The following PTPRG variants were observed in gnomAD, a reference collection of about 807,000 sequenced individuals.
The protein encoded by PTPRG is receptor-type tyrosine-protein phosphatase gamma.
A neutral mutation model predicts 165.3 loss-of-function variants in PTPRG; 102 were observed. The observed-to-expected ratio is 0.62, with a 90% CI of 0.53 to 0.73. PTPRG has a LOEUF of 0.73. Ranked by LOEUF, PTPRG falls within the 30% of genes least tolerant of loss-of-function variation. The pLI is 0.00. For missense variants in PTPRG, 1,866 were observed against 1,861.4 expected (o/e 1.00, Z -0.05); for synonymous variants, 675 against 669.5 (o/e 1.01, Z -0.13).
intron 1 of PTPRG, among the ~76,000 whole-genome samples, chr3:61,607,024 C>T (rs2106862098): frequency 6.6e-6 from 1 of 152,344 alleles, no homozygotes; most frequent in South Asian, 2.1e-4. Flanking sequence ...AAAGCCCCCA[C>T]TTCAGCCTCA....
intron 4 of PTPRG, among the ~76,000 whole-genome samples, chr3:62,021,032 C>A (rs1444439348): frequency 1.3e-5 from 2 of 152,082 alleles, no homozygotes; most frequent in Non-Finnish European, 2.9e-5. Context: ...CCCTGGGGTT[C>A]ATATTTCATT....
chr3:62,268,749 C>G lies in PTPRG; in HGVS notation c.2875-286C>G, dbSNP rs577567228. Among the ~76,000 whole-genome samples, 49 of 152,194 alleles carry G rather than the reference C, an allele frequency of 3.2e-4. 1 individual carries two copies. In the South Asian group the frequency reaches 0.01, roughly 32 times the overall value. ...CAGACATAGAGGTTTCTTTCTTAGT[C>G]CCTTTTAAAAATGCATTATAATGCA... is the stretch of plus-strand genomic sequence containing the variant. On this transcript the variant is annotated intron_variant, in intron 19 of 29. Transcript: ENST00000474889.
chr3:62,285,431 G>C (rs950412726), intron 28 of PTPRG, among the ~76,000 whole-genome samples: 3 of 143,386 alleles, frequency 2.1e-5, no homozygotes, highest in Admixed American at 7.5e-5. Flanking sequence ...GTGAGGCAGA[G>C]AGTTGAACTT....
At chr3:62,246,005 CTATT>C (rs1343621508) in intron 15 of PTPRG, among the ~76,000 whole-genome samples, 2 of 152,100 alleles carry the variant, frequency 1.3e-5, no homozygotes, top group Non-Finnish European at 2.9e-5. Flanking sequence ...TCCCAGTTAC[CTATT>C]TAATTAAGAA....
intron 8 of PTPRG, among the ~76,000 whole-genome samples, chr3:62,174,531 CAT>C (rs1234202534): frequency 6.6e-6 from 1 of 152,112 alleles, no homozygotes; most frequent in African/African-American, 2.4e-5. Context: ...TTTTAAAGGA[CAT>C]GTACCACCGT....
chr3:61,875,656 C>T (rs981553298), intron 2 of PTPRG, among the ~76,000 whole-genome samples: 2 of 152,046 alleles, frequency 1.3e-5, no homozygotes, highest in South Asian at 2.1e-4. Context: ...CACACACACA[C>T]GGCACACACA....
intron 2 of PTPRG, among the ~76,000 whole-genome samples, chr3:61,943,419 C>T (rs932900840): frequency 6.6e-6 from 1 of 152,092 alleles, no homozygotes; most frequent in African/African-American, 2.4e-5. Context: ...GGCGCAACTC[C>T]GTCTCTACTA....
At chr3:61,691,190 A>T (rs924301559) in intron 1 of PTPRG, among the ~76,000 whole-genome samples, 1 of 152,076 alleles carries the variant, frequency 6.6e-6, no homozygotes, top group Admixed American at 6.6e-5. Context: ...AAGTGGGAGG[A>T]TTGCTTGAAC....
chr3:62,267,752 G>A lies in PTPRG; in HGVS notation c.2807G>A (p.Trp936Ter), dbSNP rs139531452. ...TTGAAGTCTACATTTGAAGATTTCT[G>A]GAGGATGATTTGGGAACAAAACACT... ...GPLKSTFEDFWRMIWEQNTGI... is the reference protein window; with the variant it reads ...GPLKSTFEDF Residue 936 changes from tryptophan (W) to a stop codon, truncating the protein, a stop_gained, in exon 19 of 30, where the codon TGG (tryptophan) becomes TAG (stop). Transcript: ENST00000474889. LOFTEE classifies it high-confidence loss of function. The A allele has an allele frequency of 6.2e-7, 1 of 1,613,356 alleles. No individual in the cohort carries two copies. The highest frequency in any genetic ancestry group is 1.3e-5 in the African/African-American group (1 of 74,868).
chr3:61,831,144 G>A (rs1428795738), intron 2 of PTPRG, among the ~76,000 whole-genome samples: 1 of 152,190 alleles, frequency 6.6e-6, no homozygotes, highest in Non-Finnish European at 1.5e-5. Flanking sequence ...CTGATAAAAA[G>A]ATACTGATAC....
chr3:61,925,895 C>A, intron 2 of PTPRG: 1 of 499,306 alleles, frequency 2.0e-6, no homozygotes, highest in East Asian at 5.6e-5. Flanking sequence ...AACAAAATCC[C>A]TGTTGATGAG....
chr3:62,034,881 A>G (rs554768385), intron 4 of PTPRG, among the ~76,000 whole-genome samples: 1 of 152,302 alleles, frequency 6.6e-6, no homozygotes, highest in Admixed American at 6.5e-5. Context: ...AATGGGAGCA[A>G]TCTCACTCTA....
chr3:61,950,313 A>G (rs1189337336), intron 2 of PTPRG, among the ~76,000 whole-genome samples: 1 of 152,024 alleles, frequency 6.6e-6, no homozygotes, highest in Non-Finnish European at 1.5e-5. Flanking sequence ...TACCTGTGTT[A>G]TGACACCTAT....
intron 1 of PTPRG, among the ~76,000 whole-genome samples, chr3:61,583,622 G>A (rs1205366989): frequency 6.6e-6 from 1 of 152,114 alleles, no homozygotes; most frequent in Non-Finnish European, 1.5e-5. Context: ...TGTTCTTGAT[G>A]GGATCATCTG....
intron 1 of PTPRG, among the ~76,000 whole-genome samples, chr3:61,572,043 C>T (rs1045905779): frequency 1.3e-5 from 2 of 152,110 alleles, no homozygotes. Context: ...GGTCTTTTTG[C>T]AGTATGCAAG....
At chr3:61,644,412 T>C (rs533128538) in intron 1 of PTPRG, among the ~76,000 whole-genome samples, 1 of 152,302 alleles carries the variant, frequency 6.6e-6, no homozygotes, top group South Asian at 2.1e-4. Flanking sequence ...GAACTAACAT[T>C]AATCCCAGGG....
At chr3:62,074,511 G>C (rs1171903630) in intron 4 of PTPRG, among the ~76,000 whole-genome samples, 1 of 151,462 alleles carries the variant, frequency 6.6e-6, no homozygotes, top group African/African-American at 2.4e-5. Context: ...ACCACTCCTG[G>C]CTAATTTTTT....
chr3:61,821,219 G>T (rs1287937995), intron 2 of PTPRG, among the ~76,000 whole-genome samples: 1 of 151,828 alleles, frequency 6.6e-6, no homozygotes, highest in Non-Finnish European at 1.5e-5. Context: ...GCCCAGGCTG[G>T]AGTGCAGTGG....
chr3:61,616,418 A>G (rs1038849022), intron 1 of PTPRG, among the ~76,000 whole-genome samples: 1 of 152,130 alleles, frequency 6.6e-6, no homozygotes, highest in African/African-American at 2.4e-5. Context: ...CACATGCTTT[A>G]TTTTAGTTTT....
Sources: gnomAD v4.1 joint callset for allele counts (sites outside exome capture counted in the v4.1 genomes callset) on GRCh38, gnomAD v4.1.1 for gene constraint, MANE v1.5 for transcripts, NCBI Gene and HGNC (gene_info 2026-07-23, HGNC 2026-07-21) for gene names.